The following UGGT2 variants were observed in gnomAD, a reference collection of about 807,000 sequenced individuals.
The protein encoded by UGGT2 is UDP-glucose:glycoprotein glucosyltransferase 2.
Under a neutral mutation model 192.1 loss-of-function variants are expected in UGGT2, and 180 were observed. The observed-to-expected ratio is 0.94, with a 90% confidence interval of 0.83 to 1.06. UGGT2 has a LOEUF of 1.06. Among genes scored for constraint, UGGT2 ranks in the 50% least tolerant of loss-of-function variants. UGGT2 has a pLI of 0.00. For synonymous variants in UGGT2, 580 were observed against 591.0 expected (o/e 0.98, Z 0.27); for missense variants, 1,849 against 1,795.7 (o/e 1.03, Z -0.54).
Position 95,880,135 on chromosome 13 carries a change from A to T in UGGT2, c.3229-2279T>A, listed in dbSNP as rs559755499. Among the ~76,000 whole-genome samples, 8 of 152,270 alleles carry T rather than the reference A, an allele frequency of 5.3e-5. No individual in the cohort carries two copies. The South Asian group carries it at 1.7e-3, about 32-fold the overall frequency. On this transcript the variant is annotated intron_variant, in intron 27 of 38. Transcript: ENST00000376747. The stretch of plus-strand genomic sequence containing the variant: ...ATTTTTCTAATAGGATATTAATTGT[A>T]CTGTTCTTCTGTGGCTGAATAGCTA...
Position 95,927,194 on chromosome 13 carries a change from C to T in UGGT2, c.2101+19G>A. The T allele has an allele frequency of 6.2e-7, 1 of 1,609,632 alleles. No homozygotes were observed. Among genetic ancestry groups the T allele is most frequent in the African/African-American group, 1.3e-5 (1 of 74,806 alleles). Reference sequence around the variant, plus strand: ...CACAACTCAATAAACATTTGTAGAACAGTATAGGATTATTTTACCTGATGT... The same window carrying T: ...CACAACTCAATAAACATTTGTAGAATAGTATAGGATTATTTTACCTGATGT... On this transcript the variant is annotated intron_variant, in intron 18 of 38. Transcript: ENST00000376747.
chr13:95,831,931 A>ATTT (rs149092714), intron 38 of UGGT2, among the ~76,000 whole-genome samples: 3,034 of 151,492 alleles, frequency 0.02, 100 homozygotes, highest in African/African-American at 0.07. Context: ...CTTACAGAAT[A>ATTT]TTTTCTTATG....
chr13:95,927,994 A>C (rs1230623557), intron 17 of UGGT2, among the ~76,000 whole-genome samples: 1 of 152,202 alleles, frequency 6.6e-6, no homozygotes, highest in Non-Finnish European at 1.5e-5. Context: ...AAGGTTATAG[A>C]TTAACAGCAT....
intron 17 of UGGT2, among the ~76,000 whole-genome samples, chr13:95,928,344 C>T (rs1169633125): frequency 6.6e-6 from 1 of 151,684 alleles, no homozygotes; most frequent in Non-Finnish European, 1.5e-5. Flanking sequence ...GAGGGCTGCC[C>T]CCCACCTCCC....
In UGGT2 at chr13:95,887,917, TGCC is replaced by T; in HGVS notation, c.3010_3012del (p.Gly1004del). On this transcript the variant is annotated inframe_deletion, in exon 26 of 39. Coordinates refer to ENST00000376747, the MANE Select transcript of UGGT2 (RefSeq NM_020121.4). ...CTTTCTAAAGGGGCTTCTGAAAGCC[TGCC>T]CCTACAGTTCATGAACAACTTTATC... The T allele has an allele frequency of 6.2e-7, 1 of 1,603,580 alleles. No individual in the cohort carries two copies. The highest frequency in any genetic ancestry group is 8.5e-7 in the Non-Finnish European group (1 of 1,174,582).
intron 12 of UGGT2, among the ~76,000 whole-genome samples, chr13:95,951,514 C>T (rs989922934): frequency 1.3e-5 from 2 of 152,138 alleles, no homozygotes; most frequent in African/African-American, 4.8e-5. Context: ...ACTCCCATTC[C>T]CAATGGAGCT....
At chr13:95,991,456 A>C (rs941009210) in intron 7 of UGGT2, 1 of 454,812 alleles carries the variant, frequency 2.2e-6, no homozygotes, top group African/African-American at 2.0e-5. Context: ...ACGTATTTTC[A>C]ATAGTCAATA....
chr13:95,965,838 C>G (rs190178753), intron 12 of UGGT2, among the ~76,000 whole-genome samples: 127 of 151,970 alleles, frequency 8.4e-4, no homozygotes, highest in African/African-American at 2.9e-3. Flanking sequence ...AAAAGTGACA[C>G]GGAATATCAT....
chr13:95,945,973 TTGATATAATA>T (rs2049852398), intron 15 of UGGT2, among the ~76,000 whole-genome samples: 1 of 152,188 alleles, frequency 6.6e-6, no homozygotes, highest in Admixed American at 6.5e-5. Context: ...GAGTCATTCC[TTGATATAATA>T]TTGATTGACA....
At chr13:95,854,540 A>C (rs1889396983) in intron 34 of UGGT2, 65 bp from the exon 35 acceptor site, 1 of 1,355,630 alleles carries the variant, frequency 7.4e-7, no homozygotes, top group Non-Finnish European at 9.9e-7. Context: ...TTTTATGGGA[A>C]TCTCAAATCA....
intron 12 of UGGT2, among the ~76,000 whole-genome samples, chr13:95,955,457 G>A (rs2050185458): frequency 6.6e-6 from 1 of 152,198 alleles, no homozygotes; most frequent in Admixed American, 6.5e-5. Flanking sequence ...GGTGGTACCT[G>A]GGTGTAGGCT....
intron 30 of UGGT2, among the ~76,000 whole-genome samples, chr13:95,865,674 C>T (rs1053449576): frequency 3.3e-5 from 5 of 152,036 alleles, no homozygotes; most frequent in African/African-American, 9.7e-5. Context: ...AAAACAAAAA[C>T]AAAAACAAAC....
chr13:95,946,283 T>C (rs1214004337), intron 15 of UGGT2, among the ~76,000 whole-genome samples: 2 of 152,228 alleles, frequency 1.3e-5, no homozygotes, highest in African/African-American at 4.8e-5. Context: ...TTCACACAGT[T>C]TGCTGTCAAT....
At chr13:95,996,735 A>G (rs535782793) in intron 6 of UGGT2, among the ~76,000 whole-genome samples, 1 of 152,300 alleles carries the variant, frequency 6.6e-6, no homozygotes, top group African/African-American at 2.4e-5. Context: ...AAGGCCTGTA[A>G]CAAATGCTGG....
At position 95,948,036 on chromosome 13, in the gene UGGT2, T is replaced by G. The variant is rs2049934629; in HGVS notation, c.1501A>C (p.Lys501Gln). The change falls in exon 14 of 39, where the codon AAA becomes CAA. Residue 501 changes from lysine (K) to glutamine (Q), a missense_variant. Physicochemically the swap from Lys to Gln is moderately conservative, Grantham distance 53. Coordinates refer to ENST00000376747, the MANE Select transcript of UGGT2 (RefSeq NM_020121.4). The part of the protein sequence containing the change: ...PAQEYTLDFI[K>Q]LADVFYSHEV... The stretch of plus-strand genomic sequence containing the variant: ...TGAGAATAGAAAACATCAGCAAGTT[T>G]TATAAAATCCAAGGTATATTCTTGG... 1 of 1,613,218 alleles carries G rather than the reference T, an allele frequency of 6.2e-7. No individual in the cohort carries two copies. The highest frequency in any genetic ancestry group is 1.3e-5 in the African/African-American group (1 of 74,868).
chr13:95,825,534 C>T (rs190390955), intron 38 of UGGT2, among the ~76,000 whole-genome samples: 1 of 152,298 alleles, frequency 6.6e-6, no homozygotes, highest in Admixed American at 6.5e-5. Context: ...GGAATTGTGA[C>T]TGCCTCTTGT....
chr13:96,012,391 C>A (rs1008401125), intron 5 of UGGT2, among the ~76,000 whole-genome samples: 18 of 151,834 alleles, frequency 1.2e-4, no homozygotes, highest in Non-Finnish European at 2.4e-4. Context: ...TTGAGTAAAT[C>A]TGACTATATC....
chr13:95,862,420 C>T (rs1207899787), intron 31 of UGGT2, among the ~76,000 whole-genome samples: 2 of 152,166 alleles, frequency 1.3e-5, no homozygotes, highest in East Asian at 3.8e-4. Context: ...CAATGTGCAT[C>T]TACAGGAGAC....
chr13:95,922,824 A>AAAAACAAAACAAAATAAAAC (rs1446396393), intron 20 of UGGT2, among the ~76,000 whole-genome samples: 1 of 152,170 alleles, frequency 6.6e-6, no homozygotes, highest in African/African-American at 2.4e-5. Context: ...CCCCGTCTCA[A>AAAAACAAAACAAAATAAAAC]AAAACAAAAC....
Sources: allele counts gnomAD v4.1 joint callset (sites outside exome capture counted in the v4.1 genomes callset), GRCh38; gene constraint gnomAD v4.1.1; transcripts MANE v1.5; gene names NCBI Gene and HGNC (gene_info 2026-07-23, HGNC 2026-07-21).